Variants in DAB1 observed in about 807,000 individuals in gnomAD.
DAB1 encodes DAB adaptor protein 1.
In DAB1, 15 loss-of-function variants were observed where a neutral mutation model predicts 64.6. That is an observed-to-expected ratio of 0.23 (90% CI 0.16 to 0.36). DAB1 has a LOEUF of 0.36. Ranked by LOEUF, DAB1 falls within the 10% of genes least tolerant of loss-of-function variation. The pLI is 1.00. For missense variants in DAB1, 596 were observed against 706.7 expected (o/e 0.84, Z 1.78); for synonymous variants, 235 against 251.9 (o/e 0.93, Z 0.64).
intron 3 of DAB1, among the ~76,000 whole-genome samples, chr1:58,469,312 T>C (rs1645331027): frequency 6.6e-6 from 1 of 151,984 alleles, no homozygotes; most frequent in Non-Finnish European, 1.5e-5. Flanking sequence ...ATCTGAAAAA[T>C]GAGGATAACC....
Position 58,119,007 on chromosome 1 carries a change from T to C in DAB1, n.387+31504A>G, listed in dbSNP as rs78808295. On this transcript the variant is annotated intron_variant and non_coding_transcript_variant, in intron 5 of 20. Transcript: ENST00000485760. ...CCATACATAGCTATCAAGCTCTTGA[T>C]AGTACCATCAAACAGCTAAATTTCT... 6.7e-3 allele frequency among the ~76,000 whole-genome samples: 1,020 copies of C among 152,252 alleles called. 12 individuals carry two copies. Among genetic ancestry groups the C allele is most frequent in the African/African-American group, 0.024 (989 of 41,550 alleles).
At chr1:58,132,336 C>A (rs538391496) in intron 5 of DAB1, among the ~76,000 whole-genome samples, 35 of 152,272 alleles carry the variant, frequency 2.3e-4, no homozygotes, top group African/African-American at 8.2e-4. Flanking sequence ...GTGCACGCAC[C>A]CACTGACCTG....
At chr1:57,689,748 C>A (rs1275554590) in intron 6 of DAB1, among the ~76,000 whole-genome samples, 1 of 152,144 alleles carries the variant, frequency 6.6e-6, no homozygotes, top group African/African-American at 2.4e-5. Context: ...AAGCATTTAT[C>A]TTTGTGTTAC....
intron 5 of DAB1, among the ~76,000 whole-genome samples, chr1:58,129,085 C>T (rs1407273928): frequency 2.0e-5 from 3 of 146,946 alleles, no homozygotes; most frequent in Non-Finnish European, 3.0e-5. Context: ...TCCATCTGGT[C>T]CTGGACTCTT....
intron 1 of DAB1, among the ~76,000 whole-genome samples, chr1:57,841,464 C>G (rs887856684): frequency 3.3e-5 from 5 of 152,200 alleles, no homozygotes; most frequent in Non-Finnish European, 5.9e-5. Flanking sequence ...CTCTGCATTA[C>G]CCTAGTAGAA....
At chr1:57,860,919 G>A (rs1653988551) in intron 1 of DAB1, 1 of 152,290 alleles carries the variant, frequency 6.6e-6, no homozygotes, top group Admixed American at 6.5e-5. Context: ...GGTACTGCCA[G>A]GTGGAGAGTG....
At chr1:57,901,933 T>G (rs1192501823) in intron 5 of DAB1, among the ~76,000 whole-genome samples, 2 of 151,978 alleles carry the variant, frequency 1.3e-5, no homozygotes, top group African/African-American at 2.4e-5. Flanking sequence ...AAACATTCTT[T>G]GTATTAAAAA....
At chr1:57,991,112 G>T (rs1046432612) in intron 5 of DAB1, among the ~76,000 whole-genome samples, 5 of 152,164 alleles carry the variant, frequency 3.3e-5, no homozygotes, top group Admixed American at 2.6e-4. Flanking sequence ...AATTTCTCCT[G>T]CCTACCACAG....
At chr1:58,081,716 G>A (rs1461242669) in intron 5 of DAB1, among the ~76,000 whole-genome samples, 1 of 152,194 alleles carries the variant, frequency 6.6e-6, no homozygotes, top group Non-Finnish European at 1.5e-5. Context: ...AGGGCTGCCA[G>A]TAAGATTAAG....
intron 4 of DAB1, among the ~76,000 whole-genome samples, chr1:57,092,417 C>T (rs374526831): frequency 6.6e-6 from 1 of 152,038 alleles, no homozygotes; most frequent in East Asian, 1.9e-4. Context: ...GGTTATCCCC[C>T]ATGCTGTTCT....
intron 1 of DAB1, among the ~76,000 whole-genome samples, chr1:57,337,414 T>C (rs993832661): frequency 6.6e-6 from 1 of 152,168 alleles, no homozygotes; most frequent in Non-Finnish European, 1.5e-5. Context: ...GCATCTGCTG[T>C]TCTCTCTGCC....
intron 5 of DAB1, among the ~76,000 whole-genome samples, chr1:57,921,110 C>T (rs566823997): frequency 6.6e-6 from 1 of 152,136 alleles, no homozygotes; most frequent in South Asian, 2.1e-4. Context: ...TATATTGTTA[C>T]ATTGTTAGGA....
chr1:57,203,276 C>T (rs766792365), intron 2 of DAB1, among the ~76,000 whole-genome samples: 2 of 152,202 alleles, frequency 1.3e-5, no homozygotes, highest in Admixed American at 1.3e-4. Flanking sequence ...TCCCCTCTCA[C>T]TTGTCATTTT....
At chr1:58,398,334 AC>A (rs1456171812) in intron 3 of DAB1, among the ~76,000 whole-genome samples, 1 of 152,040 alleles carries the variant, frequency 6.6e-6, no homozygotes, top group South Asian at 2.1e-4. Context: ...CATCCCACCA[AC>A]CTACCTTGCT....
intron 14 of DAB1, among the ~76,000 whole-genome samples, chr1:57,008,091 G>A (rs1030243376): frequency 8.5e-5 from 13 of 152,262 alleles, no homozygotes; most frequent in East Asian, 3.9e-4. Flanking sequence ...TTACTTCACC[G>A]AAGATTACAG....
At chr1:57,979,619 G>A (rs902697268) in intron 5 of DAB1, among the ~76,000 whole-genome samples, 3 of 152,292 alleles carry the variant, frequency 2.0e-5, no homozygotes, top group East Asian at 1.9e-4. Flanking sequence ...CAGATGAGAA[G>A]TCACTTCCTC....
chr1:57,889,893 C>A (rs1644280622), intron 5 of DAB1, among the ~76,000 whole-genome samples: 2 of 20,434 alleles, frequency 9.8e-5, no homozygotes, highest in Non-Finnish European at 8.3e-5. Flanking sequence ...GTAGCACAAA[C>A]TGGGGCGGGG....
chr1:57,672,966 G>A (rs1212710511), intron 6 of DAB1, among the ~76,000 whole-genome samples: 1 of 152,170 alleles, frequency 6.6e-6, no homozygotes, highest in Non-Finnish European at 1.5e-5. Flanking sequence ...GATCATCATA[G>A]TGACTCATCT....
intron 3 of DAB1, among the ~76,000 whole-genome samples, chr1:58,439,829 C>T (rs1008747071): frequency 3.9e-5 from 6 of 152,194 alleles, no homozygotes; most frequent in Non-Finnish European, 7.3e-5. Flanking sequence ...GGTGATTAGA[C>T]CATCACTATC....
Sources: allele counts gnomAD v4.1 joint callset (sites outside exome capture counted in the v4.1 genomes callset), GRCh38; gene constraint gnomAD v4.1.1; transcripts MANE v1.5; gene names NCBI Gene and HGNC (gene_info 2026-07-23, HGNC 2026-07-21).